The following PRICKLE2 variants were observed in gnomAD, a reference collection of about 807,000 sequenced individuals.
The protein encoded by PRICKLE2 is prickle-like protein 2.
PRICKLE2 carries 21 observed loss-of-function variants against 81.4 expected under a neutral mutation model. That is an observed-to-expected ratio of 0.26 (90% CI 0.18 to 0.37). The LOEUF (loss-of-function observed/expected upper bound fraction) is 0.37, where lower values mean the gene tolerates loss of function less well. PRICKLE2 is among the 10% of genes least tolerant of loss of function. The pLI is 1.00. For synonymous variants in PRICKLE2, 456 were observed against 421.5 expected (o/e 1.08, Z -1.00); for missense variants, 940 against 1,109.0 (o/e 0.85, Z 2.16).
At chr3:64,130,930 T>C (rs1553641289) in intron 7 of PRICKLE2, among the ~76,000 whole-genome samples, 1 of 152,150 alleles carries the variant, frequency 6.6e-6, no homozygotes, top group Non-Finnish European at 1.5e-5. Context: ...CCCAATCTAA[T>C]TCTCTCTTAC....
rs1353436854 is a variant in PRICKLE2 at position 64,096,207 on chromosome 3, A to C, written c.*2844T>G. On this transcript the variant is annotated 3_prime_UTR_variant, in exon 8 of 8. Transcript: ENST00000638394. Reference sequence around the variant, plus strand: ...GCATTGGAGAAGAGAGAACGCTGGAAAAAGATTACTATTCTGGAAATCAGT... The same window carrying C: ...GCATTGGAGAAGAGAGAACGCTGGACAAAGATTACTATTCTGGAAATCAGT... 1 of 152,264 alleles carries C rather than the reference A, an allele frequency of 6.6e-6. No homozygotes were observed. Among genetic ancestry groups the C allele is most frequent in the Non-Finnish European group, 1.5e-5 (1 of 68,074 alleles). The allele number at this position is 152,264 out of a possible 1,614,324, so 9.4% of individuals were successfully genotyped here.
At chr3:64,178,976 T>TTTC (rs1559559389) in intron 2 of PRICKLE2, among the ~76,000 whole-genome samples, 1 of 86,216 alleles carries the variant, frequency 1.2e-5, no homozygotes. Flanking sequence ...TCTTTCTTTC[T>TTTC]TTCTTTCTTT....
intron 2 of PRICKLE2, among the ~76,000 whole-genome samples, chr3:64,196,059 C>G (rs1424294866): frequency 1.3e-5 from 2 of 152,168 alleles, no homozygotes; most frequent in Non-Finnish European, 2.9e-5. Flanking sequence ...TTATGCTTCC[C>G]AAAGACATTC....
chr3:64,250,002 C>G (rs1366263874), intron 2 of PRICKLE2, among the ~76,000 whole-genome samples: 6 of 152,194 alleles, frequency 3.9e-5, no homozygotes, highest in African/African-American at 1.4e-4. Flanking sequence ...TCTTATGAAG[C>G]AGAGGTAAAA....
intron 2 of PRICKLE2, among the ~76,000 whole-genome samples, chr3:64,164,474 G>A (rs886771861): frequency 2.6e-5 from 4 of 152,296 alleles, no homozygotes; most frequent in South Asian, 4.1e-4. Flanking sequence ...GAAGAGGTGC[G>A]AAAGCTCTGT....
chr3:64,146,835 G>T lies in PRICKLE2; in HGVS notation c.1655C>A (p.Ala552Glu). Residue 552 changes from alanine (A) to glutamate (E), a missense_variant, in exon 7 of 8, where the codon GCA (alanine) becomes GAA (glutamate). By Grantham distance (107) the Ala-to-Glu change is moderately radical (BLOSUM62 -1). Around this residue, in one of 2 missense-constraint regions of PRICKLE2, gnomAD observed 670 missense variants for 717.2 expected, o/e 0.93. Transcript: ENST00000638394. Reference protein sequence around the residue: ...GSMESLALSNATGLSADGGAK... With the variant: ...GSMESLALSNETGLSADGGAK... ...TCAAGGTGAACAGAACCTACCTGTT[G>T]CATTAGACAGGGCCAGGGATTCCAT... is the stretch of plus-strand genomic sequence containing the variant. 6.2e-7 allele frequency: 1 copy of T among 1,614,076 alleles called. No homozygotes were observed. The highest frequency in any genetic ancestry group is 8.5e-7 in the Non-Finnish European group (1 of 1,180,014).
At position 64,225,257 on chromosome 3, in the gene PRICKLE2, CTCT is replaced by C. The variant is rs1281854605; in HGVS notation, c.-391_-389del. The C allele has an allele frequency of 1.0e-6, 1 of 985,510 alleles. No individual in the cohort carries two copies. The highest frequency in any genetic ancestry group is 1.2e-6 in the Non-Finnish European group (1 of 830,036). The allele number at this position is 985,510 out of a possible 1,614,324, so 61.0% of individuals were successfully genotyped here. On this transcript the variant is annotated 5_prime_UTR_variant, in exon 1 of 8. It removes the in-frame stop codon of an upstream open reading frame in the 5' UTR. Coordinates refer to ENST00000638394, the MANE Select transcript of PRICKLE2 (RefSeq NM_198859.4). ...CGCCTTCCGGAGGACCCCCAGTTTC[CTCT>C]TAACTCCCCTTCTTCATGACAATCT...
chr3:64,145,337 AT>A (rs2077430860), intron 7 of PRICKLE2: 3 of 137,798 alleles, frequency 2.2e-5, no homozygotes, highest in African/African-American at 5.2e-5. Context: ...TATACACACA[AT>A]ATATATTATA....
intron 2 of PRICKLE2, among the ~76,000 whole-genome samples, chr3:64,263,084 G>A (rs188811999): frequency 1.3e-5 from 2 of 152,296 alleles, no homozygotes; most frequent in East Asian, 3.9e-4. Flanking sequence ...GCTCAAGAGG[G>A]AGATGTAAAA....
chr3:64,166,681 C>T (rs1460713178), intron 2 of PRICKLE2, among the ~76,000 whole-genome samples: 1 of 152,168 alleles, frequency 6.6e-6, no homozygotes, highest in South Asian at 2.1e-4. Context: ...TAAGAACTTA[C>T]CTAGGTAGCA....
intron 1 of PRICKLE2, among the ~76,000 whole-genome samples, chr3:64,222,534 C>T (rs1228199518): frequency 1.3e-5 from 2 of 152,146 alleles, no homozygotes; most frequent in South Asian, 2.1e-4. Context: ...AGGCAGACCA[C>T]GAGCCTGGCA....
intron 7 of PRICKLE2, among the ~76,000 whole-genome samples, chr3:64,137,336 G>C (rs2077293132): frequency 6.6e-6 from 1 of 152,066 alleles, no homozygotes. Flanking sequence ...TCTTGCACCA[G>C]TCTGGGGAAC....
rs193060036 is a variant in PRICKLE2, at chr3:64,244,494, A to G, written c.129-45527T>C. 1.5e-4 allele frequency among the ~76,000 whole-genome samples: 23 copies of G among 152,206 alleles called. No homozygotes were observed. In the South Asian group the frequency reaches 2.9e-3, roughly 19 times the overall value. Reference sequence around the variant, plus strand: ...TCTCCCTGGCCAGGGCTGATTTTCAATTACCCTGGATTTAGTGAACATATG... The same window carrying G: ...TCTCCCTGGCCAGGGCTGATTTTCAGTTACCCTGGATTTAGTGAACATATG... On this transcript the variant is annotated intron_variant, in intron 2 of 8. Transcript: ENST00000295902.
chr3:64,173,819 C>G (rs932095799), intron 2 of PRICKLE2, among the ~76,000 whole-genome samples: 3 of 152,182 alleles, frequency 2.0e-5, no homozygotes, highest in African/African-American at 7.2e-5. Context: ...AGTCACAGCT[C>G]TTCTGTCTCC....
intron 2 of PRICKLE2, among the ~76,000 whole-genome samples, chr3:64,175,375 C>T (rs905759256): frequency 6.6e-6 from 1 of 152,082 alleles, no homozygotes; most frequent in Non-Finnish European, 1.5e-5. Context: ...ATCTTGATGG[C>T]TAGCTAGTTA....
intron 7 of PRICKLE2, among the ~76,000 whole-genome samples, chr3:64,134,189 G>A (rs2077241433): frequency 6.6e-6 from 1 of 152,200 alleles, no homozygotes; most frequent in Non-Finnish European, 1.5e-5. Flanking sequence ...CCACTTGCCT[G>A]AGTCACACAG....
At chr3:64,110,383 C>T (rs936331733) in intron 7 of PRICKLE2, among the ~76,000 whole-genome samples, 1 of 152,146 alleles carries the variant, frequency 6.6e-6, no homozygotes, top group African/African-American at 2.4e-5. Flanking sequence ...AGATCTTTGA[C>T]AAAGCCCTGC....
At chr3:64,214,243 A>G (rs905985693) in intron 1 of PRICKLE2, among the ~76,000 whole-genome samples, 82 of 152,294 alleles carry the variant, frequency 5.4e-4, no homozygotes, top group African/African-American at 1.9e-3. Context: ...CTGGAGGGAA[A>G]AACTTCCCAG....
chr3:64,121,608 A>C (rs897500935), intron 7 of PRICKLE2, among the ~76,000 whole-genome samples: 2 of 151,692 alleles, frequency 1.3e-5, no homozygotes, highest in African/African-American at 4.8e-5. Context: ...GTTAGTCACA[A>C]TTTTTTTTGT....
Sources: allele counts gnomAD v4.1 joint callset (sites outside exome capture counted in the v4.1 genomes callset), GRCh38; gene constraint gnomAD v4.1.1; regional missense constraint gnomAD v4.1.1; transcripts MANE v1.5; gene names NCBI Gene and HGNC (gene_info 2026-07-23, HGNC 2026-07-21).